The following BTBD9 variants were observed in gnomAD, a reference collection of about 807,000 sequenced individuals.
The protein encoded by BTBD9 is BTB/POZ domain-containing protein 9.
In BTBD9, 49 loss-of-function variants were observed where a neutral mutation model predicts 64.3. The ratio of observed to expected loss-of-function variants is 0.76; its 90% CI spans 0.61 to 0.97. The LOEUF is 0.97. Ranked by LOEUF, BTBD9 falls within the 50% of genes least tolerant of loss-of-function variation. The pLI is 0.00. For missense variants in BTBD9, 598 were observed against 762.1 expected (o/e 0.78, Z 2.53); for synonymous variants, 260 against 274.7 (o/e 0.95, Z 0.53).
chr6:38,224,798 C>T (rs1408207733), intron 9 of BTBD9, among the ~76,000 whole-genome samples: 2 of 152,158 alleles, frequency 1.3e-5, no homozygotes, highest in African/African-American at 4.8e-5. Flanking sequence ...CATTACAAAC[C>T]AACGCTTAAC....
chr6:38,209,853 TTC>T (rs1377974344), intron 9 of BTBD9, among the ~76,000 whole-genome samples: 3 of 152,338 alleles, frequency 2.0e-5, no homozygotes, highest in Middle Eastern at 3.4e-3. Flanking sequence ...AGCTTCAGAC[TTC>T]TGTCTGGTAA....
At chr6:38,205,543 G>C (rs1033730238) in intron 9 of BTBD9, among the ~76,000 whole-genome samples, 1 of 151,812 alleles carries the variant, frequency 6.6e-6, no homozygotes, top group Admixed American at 6.6e-5. Context: ...TTTATGCGAA[G>C]AAAAATAAAA....
chr6:38,469,309 CT>C (rs1218507177), intron 6 of BTBD9, among the ~76,000 whole-genome samples: 25 of 136,504 alleles, frequency 1.8e-4, no homozygotes, highest in East Asian at 1.3e-3. Flanking sequence ...CCCACTCTCT[CT>C]TTTTTTTTTT....
intron 6 of BTBD9, among the ~76,000 whole-genome samples, chr6:38,396,082 G>A (rs972249028): frequency 6.6e-6 from 1 of 152,142 alleles, no homozygotes; most frequent in African/African-American, 2.4e-5. Context: ...CATTTAAGAT[G>A]AGAGGAAGGT....
chr6:38,336,892 C>G (rs1763915137), intron 7 of BTBD9, among the ~76,000 whole-genome samples: 1 of 152,180 alleles, frequency 6.6e-6, no homozygotes. Context: ...GTGTCTTTCT[C>G]TCCCCTGTGT....
At chr6:38,447,651 TTTTCTCAGCAA>T (rs1362835101) in intron 6 of BTBD9, among the ~76,000 whole-genome samples, 1 of 152,196 alleles carries the variant, frequency 6.6e-6, no homozygotes, top group Admixed American at 6.5e-5. Context: ...ACTAGACATC[TTTTCTCAGCAA>T]TTAAGATTAC....
intron 9 of BTBD9, among the ~76,000 whole-genome samples, chr6:38,200,721 T>C (rs921087614): frequency 1.3e-5 from 2 of 151,964 alleles, no homozygotes; most frequent in Admixed American, 6.6e-5. Context: ...CAGGAAGAAA[T>C]AGAAAACGTG....
At chr6:38,441,689 T>C (rs944759108) in intron 6 of BTBD9, among the ~76,000 whole-genome samples, 1 of 152,224 alleles carries the variant, frequency 6.6e-6, no homozygotes, top group Middle Eastern at 3.4e-3. Flanking sequence ...AGCACTAGTA[T>C]TAAAGGCATG....
chr6:38,327,669 A>G (rs529181744), intron 7 of BTBD9, among the ~76,000 whole-genome samples: 75 of 152,334 alleles, frequency 4.9e-4, no homozygotes, highest in Non-Finnish European at 2.1e-4. Flanking sequence ...CACAATCCAG[A>G]TAACAAAGCT....
chr6:38,201,289 A>C (rs1762453421), intron 9 of BTBD9, among the ~76,000 whole-genome samples: 2 of 152,236 alleles, frequency 1.3e-5, no homozygotes, highest in African/African-American at 4.8e-5. Flanking sequence ...ATGGTTTAAC[A>C]GACACAAATC....
At chr6:38,247,727 C>G (rs1030731845) in intron 9 of BTBD9, among the ~76,000 whole-genome samples, 1 of 152,222 alleles carries the variant, frequency 6.6e-6, no homozygotes, top group African/African-American at 2.4e-5. Flanking sequence ...GAAAATGTAG[C>G]TGGAGTGTCC....
intron 6 of BTBD9, among the ~76,000 whole-genome samples, chr6:38,398,326 GTC>G (rs1766775698): frequency 6.6e-6 from 1 of 152,146 alleles, no homozygotes; most frequent in South Asian, 2.1e-4. Context: ...AGGTTCACAA[GTC>G]TCTCTTTCTT....
intron 2 of BTBD9, among the ~76,000 whole-genome samples, chr6:38,597,428 C>A (rs111439842): frequency 1.3e-5 from 2 of 152,116 alleles, no homozygotes; most frequent in African/African-American, 2.4e-5. Context: ...AGATTTATAA[C>A]CCTGGAAATT....
chr6:38,484,107 C>T (rs78947882), intron 6 of BTBD9, among the ~76,000 whole-genome samples: 124 of 152,250 alleles, frequency 8.1e-4, no homozygotes, highest in African/African-American at 2.8e-3. Flanking sequence ...AATGAAATGA[C>T]GATGAAATCC....
At chr6:38,226,450 G>A (rs1763395107) in intron 9 of BTBD9, among the ~76,000 whole-genome samples, 1 of 152,160 alleles carries the variant, frequency 6.6e-6, no homozygotes, top group Non-Finnish European at 1.5e-5. Context: ...GTCAGGAAAT[G>A]GGGCTTGGAT....
intron 6 of BTBD9, among the ~76,000 whole-genome samples, chr6:38,513,393 A>T (rs1772862226): frequency 6.6e-6 from 1 of 151,998 alleles, no homozygotes; most frequent in African/African-American, 2.4e-5. Flanking sequence ...GGTTTCAGTG[A>T]GCCAAGAACG....
At chr6:38,486,901 A>T (rs1057344484) in intron 6 of BTBD9, among the ~76,000 whole-genome samples, 4 of 152,226 alleles carry the variant, frequency 2.6e-5, no homozygotes, top group African/African-American at 4.8e-5. Flanking sequence ...TGCTTGTAGC[A>T]CTATTCTCAT....
chr6:38,282,719 G>A lies in BTBD9; in HGVS notation c.1454+5553C>T, dbSNP rs150942948. On this transcript the variant is annotated intron_variant, in intron 8 of 10. Transcript: ENST00000481247. ...CCTGCCAGGCAAGCTCCACTCCAGG[G>A]CTTGGCACTGCCGGTGATGCTCATC... Among the ~76,000 whole-genome samples, 139 of 152,220 alleles carry A rather than the reference G, an allele frequency of 9.1e-4. 1 individual carries two copies. In the East Asian group the frequency reaches 0.022, roughly 24 times the overall value.
chr6:38,233,783 G>A (rs1355000098), intron 9 of BTBD9, among the ~76,000 whole-genome samples: 1 of 152,120 alleles, frequency 6.6e-6, no homozygotes, highest in East Asian at 1.9e-4. Context: ...ACCTGAATTC[G>A]GCTGCCACAA....
Sources: gnomAD v4.1 joint callset for allele counts (sites outside exome capture counted in the v4.1 genomes callset) on GRCh38, gnomAD v4.1.1 for gene constraint, MANE v1.5 for transcripts, NCBI Gene and HGNC (gene_info 2026-07-23, HGNC 2026-07-21) for gene names.